The following PLXNC1 variants were observed in gnomAD, a reference collection of about 807,000 sequenced individuals.
The protein encoded by PLXNC1 is plexin-C1.
PLXNC1 carries 75 observed loss-of-function variants against 178.2 expected under a neutral mutation model. The observed-to-expected ratio is 0.42, with a 90% CI of 0.35 to 0.51. PLXNC1 has a LOEUF of 0.51. PLXNC1 is among the 20% of genes least tolerant of loss of function. The pLI is 0.02. For synonymous variants in PLXNC1, 790 were observed against 779.9 expected (o/e 1.01, Z -0.22); for missense variants, 1,503 against 1,984.4 (o/e 0.76, Z 4.61).
At chr12:94,213,296 A>G (rs886589841) in intron 5 of PLXNC1, among the ~76,000 whole-genome samples, 15 of 152,160 alleles carry the variant, frequency 9.9e-5, no homozygotes, top group Admixed American at 5.9e-4. Flanking sequence ...CTGTTTCTCC[A>G]CATCCTCTTC....
intron 28 of PLXNC1, among the ~76,000 whole-genome samples, chr12:94,302,243 C>T (rs2136232323): frequency 6.6e-6 from 1 of 152,292 alleles, no homozygotes; most frequent in East Asian, 1.9e-4. Flanking sequence ...GCCCCACATA[C>T]CCACTGTGCT....
At chr12:94,300,341 T>C (rs1226217491) in intron 27 of PLXNC1, among the ~76,000 whole-genome samples, 2 of 152,098 alleles carry the variant, frequency 1.3e-5, no homozygotes, top group African/African-American at 4.8e-5. Context: ...GCATAAACCA[T>C]GAGACTACCT....
chr12:94,156,299 A>G (rs1303713167), intron 1 of PLXNC1, among the ~76,000 whole-genome samples: 1 of 152,152 alleles, frequency 6.6e-6, no homozygotes, highest in Non-Finnish European at 1.5e-5. Flanking sequence ...AGGCAGCTTA[A>G]AGGAGCTCAG....
chr12:94,261,210 G>A (rs10507035), intron 20 of PLXNC1, among the ~76,000 whole-genome samples: 39,199 of 152,046 alleles, frequency 0.26, 5,131 homozygotes, highest in South Asian at 0.29. Context: ...AGAAATACCC[G>A]TTGCCTACCA....
intron 9 of PLXNC1, among the ~76,000 whole-genome samples, chr12:94,232,263 A>G (rs1017428674): frequency 1.3e-5 from 2 of 151,906 alleles, no homozygotes; most frequent in Admixed American, 6.6e-5. Context: ...ATTTTTTCCA[A>G]TTTTTAGTAG....
At chr12:94,297,545 GAA>G in intron 26 of PLXNC1, 122 bp downstream of exon 26, 1 of 680,668 alleles carries the variant, frequency 1.5e-6, no homozygotes, top group East Asian at 2.7e-5. Context: ...AAAGCAAAAT[GAA>G]AGTTTAAATT....
intron 4 of PLXNC1, 119 bp downstream of exon 4, chr12:94,186,592 C>A: frequency 1.5e-6 from 1 of 669,906 alleles, no homozygotes; most frequent in Non-Finnish European, 2.7e-6. Context: ...ATCTCTTCCT[C>A]GACTAAAATC....
intron 4 of PLXNC1, among the ~76,000 whole-genome samples, chr12:94,208,700 G>A (rs1479383306): frequency 6.6e-6 from 1 of 152,210 alleles, no homozygotes; most frequent in Non-Finnish European, 1.5e-5. Context: ...TTTCCTTGAT[G>A]CTATTCAATG....
At chr12:94,186,838 A>C in intron 4 of PLXNC1, 1 of 206,162 alleles carries the variant, frequency 4.9e-6, no homozygotes, top group Non-Finnish European at 1.0e-5. Flanking sequence ...ATGTCTGAAA[A>C]TTTTTCAGCT....
At position 94,306,315 on chromosome 12, in the gene PLXNC1, C is replaced by T. The variant is rs1969011092; in HGVS notation, c.*1030C>T. ...AATATATATATTTGAGGCCCAAGGC[C>T]TGAAAAATATTAGTATACAACTTGG... On this transcript the variant is annotated 3_prime_UTR_variant, in exon 31 of 31. Transcript: ENST00000258526. 1 of 151,932 alleles carries T rather than the reference C, an allele frequency of 6.6e-6. No homozygotes were observed. Among genetic ancestry groups the T allele is most frequent in the Non-Finnish European group, 1.5e-5 (1 of 67,998 alleles). The allele number at this position is 151,932 out of a possible 1,614,324, so 9.4% of individuals were successfully genotyped here. A position where few individuals can be genotyped will look rare whatever the true frequency, so the allele number is the denominator to read the frequency against.
chr12:94,234,878 C>T (rs1193674552), intron 9 of PLXNC1, among the ~76,000 whole-genome samples: 3 of 152,100 alleles, frequency 2.0e-5, no homozygotes, highest in Non-Finnish European at 4.4e-5. Flanking sequence ...ATTCTTTGCT[C>T]TTTTGTCTGT....
intron 21 of PLXNC1, among the ~76,000 whole-genome samples, chr12:94,271,875 T>G (rs182677407): frequency 3.9e-5 from 6 of 152,308 alleles, no homozygotes; most frequent in Admixed American, 2.0e-4. Flanking sequence ...GGGAGTTGAT[T>G]AGCTGATTCC....
chr12:94,183,146 C>T (rs1008200596), intron 3 of PLXNC1, among the ~76,000 whole-genome samples: 4 of 152,210 alleles, frequency 2.6e-5, no homozygotes, highest in African/African-American at 7.2e-5. Flanking sequence ...GTTTTCCATT[C>T]TTTTCCTTTC....
intron 9 of PLXNC1, among the ~76,000 whole-genome samples, chr12:94,233,374 C>T (rs1964161108): frequency 6.6e-6 from 1 of 152,206 alleles, no homozygotes; most frequent in African/African-American, 2.4e-5. Flanking sequence ...CTGGGAAGAG[C>T]TGCCCTCCCT....
In PLXNC1 at chr12:94,226,401, A is replaced by G. The variant is rs1963939587; in HGVS notation, c.1791-204A>G. 5.9e-6 allele frequency: 3 copies of G among 504,734 alleles called. No homozygotes were observed. The South Asian group carries it at 6.5e-5, about 11-fold the overall frequency. The allele number at this position is 504,734 out of a possible 1,614,324, so 31.3% of individuals were successfully genotyped here. A position where few individuals can be genotyped will look rare whatever the true frequency, so the allele number is the denominator to read the frequency against. On this transcript the variant is annotated intron_variant, in intron 7 of 30. Coordinates refer to ENST00000258526, the MANE Select transcript of PLXNC1 (RefSeq NM_005761.3). ...TGACCCAGCTTCAGGTTTCCATGGC[A>G]ACACCCCTGCAGGTGCCATTCCGGC...
chr12:94,237,590 GTATAA>G, intron 9 of PLXNC1, 69 bp from the exon 10 acceptor site: 1 of 1,334,148 alleles, frequency 7.5e-7, no homozygotes. Context: ...GAACTGCAGC[GTATAA>G]ACAGATTTTT....
intron 5 of PLXNC1, among the ~76,000 whole-genome samples, chr12:94,216,282 A>G (rs1963644664): frequency 6.8e-6 from 1 of 148,040 alleles, no homozygotes. Context: ...AAAAAAAAAG[A>G]GTTAACTAAA....
In PLXNC1 at chr12:94,282,392, C is replaced by G. The variant is rs116194812; in HGVS notation, c.3870C>G (p.Gly1290=). The G allele has an allele frequency of 6.2e-7, 1 of 1,606,372 alleles. No homozygotes were observed. Among genetic ancestry groups the G allele is most frequent in the Non-Finnish European group, 8.5e-7 (1 of 1,172,870 alleles). ...EDGITKLNTI[G]HYEISNGSTI... ...GAATCACCAAGCTAAACACCATTGG[C>G]CACTATGAGGTAAGAGCAAGACTTG... Residue 1290 remains glycine, a synonymous_variant, in exon 23 of 31, where the codon GGC becomes GGG. Transcript: ENST00000258526.
intron 6 of PLXNC1, among the ~76,000 whole-genome samples, chr12:94,223,351 C>T (rs913889472): frequency 3.9e-5 from 6 of 152,224 alleles, no homozygotes; most frequent in Non-Finnish European, 5.9e-5. Context: ...AGCACTGGTC[C>T]GTGGACAGAA....
Sources: allele counts gnomAD v4.1 joint callset (sites outside exome capture counted in the v4.1 genomes callset), GRCh38; gene constraint gnomAD v4.1.1; transcripts MANE v1.5; gene names NCBI Gene and HGNC (gene_info 2026-07-23, HGNC 2026-07-21).